TTC6: variants seen among roughly 807,000 people sequenced by gnomAD.
TTC6 encodes tetratricopeptide repeat domain 6.
In TTC6, 172 loss-of-function variants were observed where a neutral mutation model predicts 210.4. The ratio of observed to expected loss-of-function variants is 0.82; its 90% CI spans 0.72 to 0.93. The LOEUF is 0.93. Among genes scored for constraint, TTC6 ranks in the 40% least tolerant of loss-of-function variants. The pLI, the probability that TTC6 is intolerant of heterozygous loss-of-function variation, is 0.00. For missense variants in TTC6, 2,414 were observed against 2,318.1 expected (o/e 1.04, Z -0.85); for synonymous variants, 804 against 819.6 (o/e 0.98, Z 0.32).
At chr14:37,767,631 A>G (rs2096003462) in intron 14 of TTC6, among the ~76,000 whole-genome samples, 1 of 152,150 alleles carries the variant, frequency 6.6e-6, no homozygotes, top group Admixed American at 6.5e-5. Context: ...TCCTTCGCCT[A>G]CTTTTTAATG....
chr14:37,680,045 C>G (rs1054884897), intron 1 of TTC6, 106 bp from the exon 4 acceptor site: 2 of 643,924 alleles, frequency 3.1e-6, no homozygotes, highest in Non-Finnish European at 5.3e-6. Context: ...TTATATGTCT[C>G]TATTTTTCAT....
intron 1 of TTC6, among the ~76,000 whole-genome samples, chr14:37,658,686 T>C (rs564381956): frequency 6.6e-6 from 1 of 152,272 alleles, no homozygotes; most frequent in East Asian, 1.9e-4. Context: ...TCTATGCACA[T>C]AGCAAAAACT....
chr14:37,823,836 A>T, exon 27 of TTC6: 1 of 1,614,022 alleles, frequency 6.2e-7, no homozygotes, highest in Non-Finnish European at 8.5e-7. Flanking sequence ...GGACGGGGAA[A>T]TTCTTACATG....
intron 5 of TTC6, among the ~76,000 whole-genome samples, chr14:37,709,256 G>T (rs1251727772): frequency 6.6e-6 from 1 of 152,108 alleles, no homozygotes; most frequent in East Asian, 1.9e-4. Flanking sequence ...GAACAGAGTT[G>T]TAAGAGATCT....
At chr14:37,821,338 G>C (rs182261124) in intron 26 of TTC6, among the ~76,000 whole-genome samples, 98 of 152,160 alleles carry the variant, frequency 6.4e-4, no homozygotes, top group Non-Finnish European at 1.2e-3. Flanking sequence ...CAAAGTGCTG[G>C]GATGACAGAC....
At chr14:37,646,381 A>C (rs957838101) in intron 1 of TTC6, among the ~76,000 whole-genome samples, 1 of 152,112 alleles carries the variant, frequency 6.6e-6, no homozygotes, top group Non-Finnish European at 1.5e-5. Flanking sequence ...CTGAAATCTC[A>C]ACACATCAGA....
Position 37,749,845 on chromosome 14 carries a change from T to G in TTC6, c.2956+2T>G. The stretch of plus-strand genomic sequence containing the variant: ...ATAAATATAATAAAAATAATACAGG[T>G]GGGTTGTCTGTAGAGACAGTTATAT... On this transcript the variant is annotated splice_donor_variant, in intron 12 of 30. Transcript: ENST00000553443. LOFTEE classifies it high-confidence loss of function. The G allele has an allele frequency of 7.3e-7, 1 of 1,373,100 alleles. No individual in the cohort carries two copies. The highest frequency in any genetic ancestry group is 9.4e-7 in the Non-Finnish European group (1 of 1,063,336). 85.1% of individuals were successfully genotyped at this position (1,373,100 alleles called of 1,614,324 possible).
exon 1 of TTC6, chr14:37,622,250 C>T (rs533775542): frequency 8.2e-4 from 1,259 of 1,535,286 alleles, no homozygotes; most frequent in Non-Finnish European, 9.9e-4. Flanking sequence ...CGGCCCGCCC[C>T]GCGCGCGTTT....
intron 28 of TTC6, among the ~76,000 whole-genome samples, chr14:37,826,639 A>G (rs986142869): frequency 6.6e-6 from 1 of 152,142 alleles, no homozygotes; most frequent in Non-Finnish European, 1.5e-5. Flanking sequence ...TGAATGCATA[A>G]CATAAAATAA....
exon 1 of TTC6, chr14:37,622,642 C>G (rs1467869676): frequency 6.5e-7 from 1 of 1,535,182 alleles, no homozygotes; most frequent in East Asian, 2.4e-5. Context: ...GAGGTAGCTC[C>G]TCTCGCAGGG....
exon 2 of TTC6, chr14:37,606,728 A>T (rs2095625876): frequency 7.1e-6 from 7 of 985,120 alleles, no homozygotes; most frequent in Non-Finnish European, 8.4e-6. Flanking sequence ...AGGAACAAGG[A>T]TTCATGGAAG....
chr14:37,760,655 G>A (rs2139099492), intron 14 of TTC6, among the ~76,000 whole-genome samples: 1 of 152,242 alleles, frequency 6.6e-6, no homozygotes, highest in Non-Finnish European at 1.5e-5. Flanking sequence ...CAGGGAGATG[G>A]GAGTTTTATC....
intron 29 of TTC6, among the ~76,000 whole-genome samples, chr14:37,829,904 G>C (rs1358570592): frequency 6.6e-6 from 1 of 151,868 alleles, no homozygotes; most frequent in Non-Finnish European, 1.5e-5. Context: ...GTATTATTTT[G>C]TTACCCTTAT....
At chr14:37,764,269 A>G (rs1431127745) in intron 14 of TTC6, among the ~76,000 whole-genome samples, 2 of 152,136 alleles carry the variant, frequency 1.3e-5, no homozygotes, top group African/African-American at 4.8e-5. Flanking sequence ...GAAGTGTTCT[A>G]TATATGTTTG....
chr14:37,823,033 A>T (rs1023531075), intron 26 of TTC6, among the ~76,000 whole-genome samples: 5 of 152,156 alleles, frequency 3.3e-5, no homozygotes, highest in Admixed American at 6.5e-5. Context: ...GACTCTCTCC[A>T]TGTTAATTGA....
chr14:37,797,776 AG>A (rs1197626029), intron 20 of TTC6, among the ~76,000 whole-genome samples: 1 of 151,986 alleles, frequency 6.6e-6, no homozygotes, highest in Non-Finnish European at 1.5e-5. Context: ...GGAAAGTTTA[AG>A]TTTTCCTTTT....
At chr14:37,754,719 C>T (rs2095962398) in intron 14 of TTC6, among the ~76,000 whole-genome samples, 1 of 152,162 alleles carries the variant, frequency 6.6e-6, no homozygotes, top group African/African-American at 2.4e-5. Flanking sequence ...AGGCATGAGC[C>T]ACCATGCCCG....
chr14:37,603,293 C>T (rs1277999673), intron 1 of TTC6, among the ~76,000 whole-genome samples: 2 of 152,170 alleles, frequency 1.3e-5, no homozygotes, highest in African/African-American at 4.8e-5. Context: ...ACCTGATGCC[C>T]GGATTCTGGC....
intron 24 of TTC6, among the ~76,000 whole-genome samples, chr14:37,810,809 A>G (rs896444944): frequency 2.6e-5 from 4 of 152,240 alleles, no homozygotes; most frequent in Non-Finnish European, 4.4e-5. Context: ...GGGAAGATCA[A>G]TTCTGGTTCT....
Sources: allele counts gnomAD v4.1 joint callset (sites outside exome capture counted in the v4.1 genomes callset), GRCh38; gene constraint gnomAD v4.1.1; transcripts MANE v1.5; gene names NCBI Gene and HGNC (gene_info 2026-07-23, HGNC 2026-07-21).